Variants in RHOBTB1 observed in about 807,000 individuals in gnomAD.
RHOBTB1 encodes rho-related BTB domain-containing protein 1.
RHOBTB1 carries 40 observed loss-of-function variants against 71.6 expected under a neutral mutation model. That is an observed-to-expected ratio of 0.56 (90% CI 0.43 to 0.73). RHOBTB1 has a LOEUF of 0.73. Among genes scored for constraint, RHOBTB1 ranks in the 30% least tolerant of loss-of-function variants. The pLI is 0.00. For missense variants in RHOBTB1, 797 were observed against 894.0 expected, an observed-to-expected ratio of 0.89 and a Z score of 1.38; for synonymous variants, 319 against 334.9, an observed-to-expected ratio of 0.95 and a Z score of 0.52.
chr10:60,972,536 G>T (rs927474921), intron 2 of RHOBTB1, among the ~76,000 whole-genome samples: 5 of 152,022 alleles, frequency 3.3e-5, no homozygotes, highest in African/African-American at 1.2e-4. Context: ...GGCCTGTCGG[G>T]GCATGGGGGG....
chr10:60,906,352 A>T (rs530172501), intron 4 of RHOBTB1, among the ~76,000 whole-genome samples: 1 of 152,374 alleles, frequency 6.6e-6, no homozygotes, highest in Non-Finnish European at 1.5e-5. Context: ...AGAATTTAAG[A>T]GGAACACTGG....
intron 8 of RHOBTB1, among the ~76,000 whole-genome samples, chr10:60,875,727 G>A (rs1176983937): frequency 3.9e-5 from 6 of 152,206 alleles, no homozygotes; most frequent in African/African-American, 4.8e-5. Context: ...TAAAGACTGG[G>A]GAGACCTGCA....
chr10:60,950,824 T>C (rs1424337924), intron 2 of RHOBTB1, among the ~76,000 whole-genome samples: 1 of 152,180 alleles, frequency 6.6e-6, no homozygotes, highest in African/African-American at 2.4e-5. Context: ...ATAGCAACTG[T>C]ATCATTCCCC....
At chr10:60,939,588 T>G (rs1403307725) in intron 2 of RHOBTB1, among the ~76,000 whole-genome samples, 2 of 152,106 alleles carry the variant, frequency 1.3e-5, no homozygotes, top group African/African-American at 4.8e-5. Context: ...AAGTTTTGTT[T>G]TGGTGTTGTG....
chr10:60,937,000 G>C (rs935106337), intron 2 of RHOBTB1, among the ~76,000 whole-genome samples: 1 of 152,116 alleles, frequency 6.6e-6, no homozygotes, highest in Non-Finnish European at 1.5e-5. Context: ...AATACTAAAA[G>C]TGAAATTGCA....
chr10:60,926,017 G>T (rs991848054), intron 2 of RHOBTB1, among the ~76,000 whole-genome samples: 4 of 152,076 alleles, frequency 2.6e-5, no homozygotes, highest in African/African-American at 4.8e-5. Flanking sequence ...GATCACTTGA[G>T]GTCAGGAGCT....
intron 2 of RHOBTB1, among the ~76,000 whole-genome samples, chr10:60,953,837 A>G (rs1171310445): frequency 1.3e-5 from 2 of 152,136 alleles, no homozygotes; most frequent in African/African-American, 4.8e-5. Flanking sequence ...CACATGAAAA[A>G]CCCTTTGAAA....
intron 2 of RHOBTB1, among the ~76,000 whole-genome samples, chr10:60,976,987 A>C (rs1420434504): frequency 6.6e-6 from 1 of 152,054 alleles, no homozygotes; most frequent in Admixed American, 6.6e-5. Flanking sequence ...CTTGCAATAA[A>C]TTTTTTAAAA....
intron 1 of RHOBTB1, among the ~76,000 whole-genome samples, chr10:60,990,419 C>T (rs975354560): frequency 1.1e-4 from 17 of 152,294 alleles, no homozygotes; most frequent in Non-Finnish European, 1.5e-4. Context: ...GACATGAACA[C>T]GTAAAATACT....
chr10:60,995,291 C>G (rs2087010687), intron 1 of RHOBTB1, among the ~76,000 whole-genome samples: 1 of 152,072 alleles, frequency 6.6e-6, no homozygotes, highest in Non-Finnish European at 1.5e-5. Context: ...AGGGATGTTA[C>G]TACTTTTATT....
At chr10:60,986,431 A>ATATATATATATATATATATATAT (rs1554860002) in intron 1 of RHOBTB1, among the ~76,000 whole-genome samples, 14 of 134,606 alleles carry the variant, frequency 1.0e-4, no homozygotes, top group African/African-American at 3.7e-4. Flanking sequence ...ATATATATAT[A>ATATATATATATATATATATATAT]AAATATATAT....
chr10:60,911,306 C>T (rs1308457230), intron 3 of RHOBTB1, 45 bp downstream of exon 3: 1 of 1,540,304 alleles, frequency 6.5e-7, no homozygotes, highest in South Asian at 1.2e-5. Context: ...TGGCAACCAG[C>T]AATGATGTGC....
downstream of RHOBTB1, chr10:60,869,330 A>G (rs930901702): frequency 3.9e-5 from 6 of 152,254 alleles, no homozygotes; most frequent in African/African-American, 1.2e-4. Context: ...TTACTGGAGC[A>G]TGCACAAGCC....
At chr10:60,922,607 T>C (rs2083631869) in intron 2 of RHOBTB1, among the ~76,000 whole-genome samples, 1 of 152,042 alleles carries the variant, frequency 6.6e-6, no homozygotes, top group African/African-American at 2.4e-5. Context: ...ATGCCCATAA[T>C]CTGGAGTAAT....
rs575414871 is a variant in RHOBTB1 at position 60,921,625 on chromosome 10, C to A, written c.-10-10073G>T. ...CCTCAAATCTTGTCACAGTGCCTGG[C>A]CTATAGGCAGCTTTCAATAAACGTT... On this transcript the variant is annotated intron_variant, in intron 2 of 10. Coordinates refer to ENST00000337910, the MANE Select transcript of RHOBTB1 (RefSeq NM_014836.5). Among the ~76,000 whole-genome samples, 15 of 152,294 alleles carry A rather than the reference C, an allele frequency of 9.8e-5. No homozygotes were observed. In the South Asian group the frequency reaches 1.0e-3, roughly 11 times the overall value.
chr10:60,938,659 G>T (rs913314733), intron 2 of RHOBTB1, among the ~76,000 whole-genome samples: 1 of 152,134 alleles, frequency 6.6e-6, no homozygotes, highest in African/African-American at 2.4e-5. Context: ...AAACCCAGAA[G>T]AATAACTTCT....
chr10:60,889,207 A>T, intron 5 of RHOBTB1, 22 bp from the exon 6 acceptor site: 1 of 1,574,918 alleles, frequency 6.3e-7, no homozygotes, highest in Non-Finnish European at 8.6e-7. Flanking sequence ...CATTTTAAAA[A>T]TTATAATCAG....
At chr10:60,975,240 G>A (rs548018886) in intron 2 of RHOBTB1, among the ~76,000 whole-genome samples, 6 of 152,094 alleles carry the variant, frequency 3.9e-5, no homozygotes, top group Non-Finnish European at 5.9e-5. Context: ...AGGGGAATTC[G>A]TCAGAATGTG....
intron 4 of RHOBTB1, among the ~76,000 whole-genome samples, chr10:60,909,330 G>C (rs1207875501): frequency 6.6e-6 from 1 of 151,214 alleles, no homozygotes; most frequent in Non-Finnish European, 1.5e-5. Context: ...TTTTTTTTCT[G>C]TTATTTTTTC....
Sources: gnomAD v4.1 joint callset for allele counts (sites outside exome capture counted in the v4.1 genomes callset) on GRCh38, gnomAD v4.1.1 for gene constraint, MANE v1.5 for transcripts, NCBI Gene and HGNC (gene_info 2026-07-23, HGNC 2026-07-21) for gene names.